COQ3: variants seen among roughly 807,000 people sequenced by gnomAD.
The protein encoded by COQ3 is coenzyme Q3, methyltransferase, also known as ubiquinone biosynthesis O-methyltransferase, mitochondrial.
In COQ3, 29 loss-of-function variants were observed where a neutral mutation model predicts 33.1. The ratio of observed to expected loss-of-function variants is 0.88; its 90% confidence interval spans 0.65 to 1.19. COQ3 has a LOEUF of 1.19. Among genes scored for constraint, COQ3 ranks in the 50% most tolerant of loss-of-function variants. The pLI is 0.00. For synonymous variants in COQ3, 173 were observed against 157.8 expected (o/e 1.10, Z -0.72); for missense variants, 437 against 430.7 (o/e 1.01, Z -0.13).
chr6:99,374,989 T>TC (rs1203096993), intron 5 of COQ3, among the ~76,000 whole-genome samples: 23 of 150,744 alleles, frequency 1.5e-4, no homozygotes, highest in African/African-American at 5.3e-4. Context: ...TTTCTTTCTT[T>TC]TTTTTTTTTT....
chr6:99,380,087 G>T, intron 3 of COQ3, 102 bp downstream of exon 3: 1 of 1,042,976 alleles, frequency 9.6e-7, no homozygotes, highest in Non-Finnish European at 1.4e-6. Context: ...AACTTAATGT[G>T]CAGCATTTTT....
At chr6:99,386,367 T>A (rs1273524427) in intron 1 of COQ3, among the ~76,000 whole-genome samples, 1 of 152,084 alleles carries the variant, frequency 6.6e-6, no homozygotes, top group African/African-American at 2.4e-5. Flanking sequence ...GAGGCAGAGG[T>A]TGCAGTGAGC....
chr6:99,373,944 C>T (rs1384677996), intron 5 of COQ3, among the ~76,000 whole-genome samples: 2 of 151,610 alleles, frequency 1.3e-5, no homozygotes, highest in African/African-American at 4.8e-5. Context: ...CAGGAAATGG[C>T]TGCAGTGAGC....
Position 99,383,683 on chromosome 6 carries a change from T to C in COQ3, c.233+15A>G. ...ATAATTACGTGAATATTTGCCACAG[T>C]AATAATAAACCCACCTGAAACTCTT... On this transcript the variant is annotated intron_variant, in intron 2 of 6. Transcript: ENST00000254759. 6.4e-7 allele frequency: 1 copy of C among 1,554,074 alleles called. No individual in the cohort carries two copies. Among genetic ancestry groups the C allele is most frequent in the South Asian group, 1.2e-5 (1 of 80,868 alleles).
chr6:99,380,266 C>T lies in COQ3; in HGVS notation c.309G>A (p.Leu103=). The T allele has an allele frequency of 6.2e-7, 1 of 1,614,054 alleles. No individual in the cohort carries two copies. The highest frequency in any genetic ancestry group is 8.5e-7 in the Non-Finnish European group (1 of 1,179,996). The change falls in exon 3 of 7, where the codon CTG becomes CTA. Residue 103 remains leucine, a synonymous_variant. Coordinates refer to ENST00000254759, the MANE Select transcript of COQ3 (RefSeq NM_017421.4). The stretch of plus-strand genomic sequence containing the variant: ...CTTGTTCATCCCACCATTTGTGAGC[C>T]AGGGCCAAGAAGGTTTTTACCTCAC... ...DSGEVKTFLA[L]AHKWWDEQGV...
At chr6:99,382,857 G>C (rs1418827662) in intron 2 of COQ3, among the ~76,000 whole-genome samples, 2 of 152,052 alleles carry the variant, frequency 1.3e-5, no homozygotes, top group Non-Finnish European at 2.9e-5. Flanking sequence ...GGAGACTGAG[G>C]CAGGAGAAGT....
At chr6:99,393,177 C>G (rs1367327907) in intron 1 of COQ3, among the ~76,000 whole-genome samples, 1 of 151,446 alleles carries the variant, frequency 6.6e-6, no homozygotes, top group Non-Finnish European at 1.5e-5. Context: ...GTTCACTATA[C>G]ATACTGATTT....
At chr6:99,388,529 C>T (rs1456251264) in intron 1 of COQ3, among the ~76,000 whole-genome samples, 3 of 150,712 alleles carry the variant, frequency 2.0e-5, no homozygotes, top group Non-Finnish European at 3.0e-5. Flanking sequence ...TAGACACAGA[C>T]ATGCTGATTT....
Position 99,376,131 on chromosome 6 carries a change from T to G in COQ3, c.538A>C (p.Asn180His). The stretch of plus-strand genomic sequence containing the variant: ...TTATGGCATTGTGCTGTTTTAATGT[T>G]CTCATCCACAGGGTCGATTCCAATA... Reference protein sequence around the residue: ...SVIGIDPVDENIKTAQCHKSF... With the variant: ...SVIGIDPVDEHIKTAQCHKSF... The change falls in exon 5 of 7, where the codon AAC (asparagine) becomes CAC (histidine). Residue 180 changes from asparagine (N) to histidine (H), a missense_variant. Coordinates refer to ENST00000254759, the MANE Select transcript of COQ3 (RefSeq NM_017421.4). 6.2e-7 allele frequency: 1 copy of G among 1,614,100 alleles called. No individual in the cohort carries two copies. The highest frequency in any genetic ancestry group is 8.5e-7 in the Non-Finnish European group (1 of 1,180,012).
chr6:99,380,116 GA>G, intron 3 of COQ3, 72 bp downstream of exon 3: 1 of 1,449,990 alleles, frequency 6.9e-7, no homozygotes, highest in Non-Finnish European at 9.4e-7. Context: ...TATAAACTAA[GA>G]AAAAAATGAA....
chr6:99,385,318 T>C (rs1441377777), intron 1 of COQ3, among the ~76,000 whole-genome samples: 1 of 152,162 alleles, frequency 6.6e-6, no homozygotes, highest in Non-Finnish European at 1.5e-5. Flanking sequence ...TTAAAATGTG[T>C]GAAACACTTC....
chr6:99,369,657 T>C lies in COQ3; in HGVS notation c.1053A>G (p.Glu351=). ...TGGTGCAGGCATTAGCTTGGAGCTCTTCTGTTTCTCCCTTTAAAACAAACT... is the reference window on the plus strand; with the variant it reads ...TGGTGCAGGCATTAGCTTGGAGCTCCTCTGTTTCTCCCTTTAAAACAAACT... The part of the protein sequence containing the change: ...SAEFVLKGET[E]ELQANACTNP... The change falls in exon 7 of 7, where the codon GAA becomes GAG. Residue 351 remains glutamate, a synonymous_variant. Transcript: ENST00000254759. 1 of 1,614,160 alleles carries C rather than the reference T, an allele frequency of 6.2e-7. No homozygotes were observed. The highest frequency in any genetic ancestry group is 8.5e-7 in the Non-Finnish European group (1 of 1,180,010).
chr6:99,385,282 C>A (rs932743666), intron 1 of COQ3, among the ~76,000 whole-genome samples: 11 of 152,148 alleles, frequency 7.2e-5, no homozygotes, highest in African/African-American at 2.7e-4. Flanking sequence ...AAGAACAGAA[C>A]AAGACCATTA....
At chr6:99,391,273 A>G (rs1418670890) in intron 1 of COQ3, among the ~76,000 whole-genome samples, 2 of 137,562 alleles carry the variant, frequency 1.5e-5, no homozygotes, top group African/African-American at 5.4e-5. Flanking sequence ...TAAATTTTGT[A>G]TTTTTTTTTT....
intron 1 of COQ3, among the ~76,000 whole-genome samples, chr6:99,389,444 A>C (rs1449884401): frequency 2.6e-5 from 4 of 152,084 alleles, no homozygotes; most frequent in Non-Finnish European, 4.4e-5. Flanking sequence ...TATTTTTGCC[A>C]CTTCTTGTGT....
intron 1 of COQ3, among the ~76,000 whole-genome samples, chr6:99,390,256 C>A (rs1049148603): frequency 6.6e-6 from 1 of 152,050 alleles, no homozygotes; most frequent in Non-Finnish European, 1.5e-5. Context: ...AGATGTTGAA[C>A]CAATTTACTA....
chr6:99,383,138 CA>C (rs1774521312), intron 2 of COQ3: 1 of 149,644 alleles, frequency 6.7e-6, no homozygotes, highest in South Asian at 2.1e-4. Context: ...CACCTCAAAA[CA>C]ACAACAACAA....
At chr6:99,382,177 C>A (rs895532992) in intron 2 of COQ3, among the ~76,000 whole-genome samples, 1 of 151,890 alleles carries the variant, frequency 6.6e-6, no homozygotes, top group African/African-American at 2.4e-5. Flanking sequence ...AAGCACTTGG[C>A]AAATGAATAA....
At chr6:99,388,725 G>C (rs749472442) in intron 1 of COQ3, among the ~76,000 whole-genome samples, 25 of 152,006 alleles carry the variant, frequency 1.6e-4, no homozygotes, top group Non-Finnish European at 3.1e-4. Flanking sequence ...GTGGGAACCT[G>C]TAATACGAGC....
Sources: allele counts gnomAD v4.1 joint callset (sites outside exome capture counted in the v4.1 genomes callset), GRCh38; gene constraint gnomAD v4.1.1; transcripts MANE v1.5; gene names NCBI Gene and HGNC (gene_info 2026-07-23, HGNC 2026-07-21).